Variants in RBFOX1 observed in about 807,000 individuals in gnomAD.
RBFOX1 encodes the protein RNA binding protein fox-1 homolog 1.
Under a neutral mutation model 57.7 loss-of-function variants are expected in RBFOX1, and 8 were observed. The ratio of observed to expected loss-of-function variants is 0.14; its 90% CI spans 0.08 to 0.25. RBFOX1 has a LOEUF of 0.25. Ranked by LOEUF, RBFOX1 falls within the 10% of genes least tolerant of loss-of-function variation. RBFOX1 has a pLI of 1.00. For missense variants in RBFOX1, 611 were observed against 548.5 expected (o/e 1.11, Z -1.14); for synonymous variants, 326 against 222.4 (o/e 1.47, Z -4.15).
chr16:7,602,421 C>T (rs1419360036), intron 9 of RBFOX1, among the ~76,000 whole-genome samples: 2 of 152,176 alleles, frequency 1.3e-5, no homozygotes, highest in Non-Finnish European at 2.9e-5. Flanking sequence ...TGGGCCTTAT[C>T]AGCCATTCTC....
At chr16:6,429,321 C>T (rs901317891) in intron 2 of RBFOX1, among the ~76,000 whole-genome samples, 1 of 152,254 alleles carries the variant, frequency 6.6e-6, no homozygotes, top group Admixed American at 6.5e-5. Flanking sequence ...CTCCCCACCA[C>T]TGCTGCTGCA....
intron 4 of RBFOX1, among the ~76,000 whole-genome samples, chr16:7,166,416 C>G (rs950114737): frequency 2.6e-5 from 4 of 151,860 alleles, no homozygotes; most frequent in African/African-American, 7.3e-5. Flanking sequence ...AGATAGAAAA[C>G]TATAGAGGAG....
At chr16:7,323,653 C>A (rs1393215437) in intron 4 of RBFOX1, among the ~76,000 whole-genome samples, 1 of 152,148 alleles carries the variant, frequency 6.6e-6, no homozygotes, top group Non-Finnish European at 1.5e-5. Flanking sequence ...TACTAATGTA[C>A]TAGATGGAAC....
chr16:6,890,204 G>A (rs185469418), intron 3 of RBFOX1, among the ~76,000 whole-genome samples: 2 of 152,240 alleles, frequency 1.3e-5, no homozygotes, highest in Admixed American at 1.3e-4. Flanking sequence ...AAGCCTTTTG[G>A]TACCCTAAAA....
chr16:7,129,544 A>T (rs1328669144), intron 4 of RBFOX1, among the ~76,000 whole-genome samples: 1 of 152,162 alleles, frequency 6.6e-6, no homozygotes. Flanking sequence ...ATTACAATGG[A>T]GAGACACATT....
chr16:7,381,047 T>G (rs1380982598), intron 4 of RBFOX1, among the ~76,000 whole-genome samples: 1 of 152,224 alleles, frequency 6.6e-6, no homozygotes, highest in Admixed American at 6.5e-5. Context: ...CATGAGTGTT[T>G]AATATTTAGG....
chr16:5,736,344 C>A (rs1427618432), intron 3 of RBFOX1, among the ~76,000 whole-genome samples: 1 of 152,086 alleles, frequency 6.6e-6, no homozygotes. Context: ...CTATAGCGAC[C>A]CCTCCTCCCA....
At chr16:6,668,957 G>C (rs1292500674) in intron 3 of RBFOX1, among the ~76,000 whole-genome samples, 2 of 152,144 alleles carry the variant, frequency 1.3e-5, no homozygotes, top group Non-Finnish European at 1.5e-5. Flanking sequence ...TGGCTTTTTT[G>C]TGATGAGTGG....
rs114731301 is a variant in RBFOX1, at chr16:6,895,119, T to C, written c.-15-156938T>C. ...AAATAAAGTCTGGTCCTCTTTTCCA[T>C]AGAAGTTCAGTTCAGAGAAGCACCA... On this transcript the variant is annotated intron_variant, in intron 3 of 15. Transcript: ENST00000550418. 5.6e-3 allele frequency among the ~76,000 whole-genome samples: 847 copies of C among 152,192 alleles called. 6 individuals carry two copies. The highest frequency in any genetic ancestry group is 0.019 in the African/African-American group (770 of 41,540).
chr16:6,892,818 C>G (rs1354179005), intron 3 of RBFOX1, among the ~76,000 whole-genome samples: 1 of 108,192 alleles, frequency 9.2e-6, no homozygotes, highest in Non-Finnish European at 2.0e-5. Context: ...CTCTCTCTCT[C>G]TCTCTCTCTA....
At chr16:6,248,141 G>C (rs2097579940) in intron 1 of RBFOX1, among the ~76,000 whole-genome samples, 1 of 152,134 alleles carries the variant, frequency 6.6e-6, no homozygotes, top group Non-Finnish European at 1.5e-5. Flanking sequence ...AGAAGAGGCT[G>C]ACCTTAAGTT....
chr16:7,381,240 G>A (rs73550735), intron 4 of RBFOX1, among the ~76,000 whole-genome samples: 3,921 of 152,238 alleles, frequency 0.026, 112 homozygotes, highest in African/African-American at 0.069. Flanking sequence ...TCAAACCCAG[G>A]TGCAAGTGGA....
At chr16:6,898,291 G>A (rs1325110946) in intron 3 of RBFOX1, among the ~76,000 whole-genome samples, 3 of 151,932 alleles carry the variant, frequency 2.0e-5, no homozygotes, top group East Asian at 1.9e-4. Flanking sequence ...TCTGACCCCT[G>A]CCCCTCCACG....
rs151046156 is a variant in RBFOX1 at position 7,326,511 on chromosome 16, A to G, written c.28-191636A>G. Among the ~76,000 whole-genome samples the G allele has an allele frequency of 4.0e-3, 608 of 152,244 alleles. 5 individuals carry two copies. The highest frequency in any genetic ancestry group is 3.1e-3 in the Non-Finnish European group (208 of 68,010). On this transcript the variant is annotated intron_variant, in intron 4 of 15. Transcript: ENST00000550418. ...CCATGATGAGCAGAGAGATGAAAAA[A>G]CAATTTTGAATGGGTGCATTGAAAA... is the stretch of plus-strand genomic sequence containing the variant.
chr16:6,654,841 G>T (rs1238302684), intron 3 of RBFOX1, among the ~76,000 whole-genome samples, 191 bp downstream of exon 3: 1 of 151,940 alleles, frequency 6.6e-6, no homozygotes, highest in Non-Finnish European at 1.5e-5. Flanking sequence ...ACTTCTGATG[G>T]CTTCATGAGG....
At chr16:5,349,932 C>G (rs1238996281) in intron 1 of RBFOX1, among the ~76,000 whole-genome samples, 1 of 152,140 alleles carries the variant, frequency 6.6e-6, no homozygotes, top group African/African-American at 2.4e-5. Flanking sequence ...GTGCTCCTTC[C>G]CAGCACAAGG....
At chr16:6,788,879 T>A (rs1399625424) in intron 3 of RBFOX1, among the ~76,000 whole-genome samples, 1 of 152,130 alleles carries the variant, frequency 6.6e-6, no homozygotes. Context: ...ATACTGTCAC[T>A]CTGTAGCTAA....
chr16:7,657,307 A>G (rs1475613741), intron 12 of RBFOX1, among the ~76,000 whole-genome samples: 1 of 151,948 alleles, frequency 6.6e-6, no homozygotes, highest in Non-Finnish European at 1.5e-5. Context: ...ATTTCCTTTT[A>G]AAAAAAATTT....
intron 2 of RBFOX1, among the ~76,000 whole-genome samples, chr16:6,401,385 T>C (rs2093061520): frequency 6.6e-6 from 1 of 152,224 alleles, no homozygotes; most frequent in South Asian, 2.1e-4. Context: ...TAAACACTAC[T>C]ACTAACTTAT....
Sources: allele counts gnomAD v4.1 joint callset (sites outside exome capture counted in the v4.1 genomes callset), GRCh38; gene constraint gnomAD v4.1.1; transcripts MANE v1.5; gene names NCBI Gene and HGNC (gene_info 2026-07-23, HGNC 2026-07-21).